Variants in TNRC18 observed in about 807,000 individuals in gnomAD.
TNRC18 encodes trinucleotide repeat-containing gene 18 protein.
In TNRC18, 69 loss-of-function variants were observed where a neutral mutation model predicts 226.7. The observed-to-expected ratio is 0.30, with a 90% CI of 0.25 to 0.37. The LOEUF (loss-of-function observed/expected upper bound fraction) is 0.37. Ranked by LOEUF, TNRC18 falls within the 10% of genes least tolerant of loss-of-function variation. The pLI, the probability that TNRC18 is intolerant of heterozygous loss-of-function variation, is 1.00. For synonymous variants in TNRC18, 2,449 were observed against 1,927.6 expected (o/e 1.27, Z -7.09); for missense variants, 4,754 against 4,256.6 (o/e 1.12, Z -3.25).
At chr7:5,378,291 A>G (rs1198860642) in intron 5 of TNRC18, among the ~76,000 whole-genome samples, 1 of 152,246 alleles carries the variant, frequency 6.6e-6, no homozygotes, top group Non-Finnish European at 1.5e-5. Flanking sequence ...TAGACAGACA[A>G]CCGTGGCGAT....
intron 5 of TNRC18, among the ~76,000 whole-genome samples, chr7:5,380,494 C>T (rs1162179881): frequency 6.6e-6 from 1 of 152,194 alleles, no homozygotes; most frequent in African/African-American, 2.4e-5. Flanking sequence ...GAGAGGAACC[C>T]AGAGAGGGGC....
chr7:5,407,291 G>C (rs941907680), intron 2 of TNRC18: 2 of 152,332 alleles, frequency 1.3e-5, no homozygotes, highest in Admixed American at 6.5e-5. Context: ...CCAGAACCAG[G>C]ACCAAGACTG....
chr7:5,370,794 G>A lies in TNRC18; in HGVS notation c.3800C>T (p.Ala1267Val), dbSNP rs12671708. 3.2e-5 allele frequency: 51 copies of A among 1,604,274 alleles called. No individual in the cohort carries two copies. The highest frequency in any genetic ancestry group is 1.9e-4 in the African/African-American group (14 of 74,794). ...GGGCACTGCCTCCACCACGGGCACC[G>A]CCACAGGCACCTCCACCGGCTCCTC... ...AKEEPVEVPV[A>V]VPVVEAVPEE... Residue 1267 changes from alanine (A) to valine (V), a missense_variant, in exon 11 of 30, where the codon GCG becomes GTG. Transcript: ENST00000430969.
In TNRC18 at chr7:5,394,873, C is replaced by T. The variant is rs1331394852; in HGVS notation, c.188-278G>A. 3.3e-5 allele frequency among the ~76,000 whole-genome samples: 5 copies of T among 152,168 alleles called. No individual in the cohort carries two copies. Among genetic ancestry groups the T allele is most frequent in the South Asian group, 2.1e-4 (1 of 4,830 alleles). ...CTCAGCCCTGGGCACCCCGCACCCT[C>T]GGAGGAGGGCCTTCCACCCCTGCCG... On this transcript the variant is annotated intron_variant, in intron 2 of 29. Coordinates refer to ENST00000430969, the MANE Select transcript of TNRC18 (RefSeq NM_001080495.3). The surrounding 1 kb of genome is among the most constrained non-coding windows in gnomAD (Gnocchi z 4.5).
Position 5,313,460 on chromosome 7 carries a change from A to T in TNRC18, c.7431T>A (p.Ala2477=), listed in dbSNP as rs1251164523. ...EGVTSPKSKK[A]KEALLLREDP... ...CCTCCCGGAGCAGCAGGGCCTCTTT[A>T]GCCTTCTTGCTTTTGGGTGACGTGA... Residue 2477 remains alanine (A), a synonymous_variant, in exon 27 of 30, where the codon GCT becomes GCA. Coordinates refer to ENST00000430969, the MANE Select transcript of TNRC18 (RefSeq NM_001080495.3). The T allele has an allele frequency of 6.2e-7, 1 of 1,612,820 alleles. No homozygotes were observed.
chr7:5,307,989 C>G lies in TNRC18; in HGVS notation c.*117G>C. On this transcript the variant is annotated 3_prime_UTR_variant, in exon 30 of 30. Coordinates refer to ENST00000430969, the MANE Select transcript of TNRC18 (RefSeq NM_001080495.3). ...CCACGTGCACACCTGGCCCCATGCA[C>G]ACGCCTGCAGGAGCGCTCGCATGCA... 3.2e-6 allele frequency: 3 copies of G among 948,124 alleles called. No individual in the cohort carries two copies. The highest frequency in any genetic ancestry group is 6.6e-4 in the Middle Eastern group (2 of 3,032). The allele number at this position is 948,124 out of a possible 1,614,324, so 58.7% of individuals were successfully genotyped here. A position where few individuals can be genotyped will look rare whatever the true frequency, so the allele number is the denominator to read the frequency against.
chr7:5,341,072 A>G (rs6943906), intron 18 of TNRC18, among the ~76,000 whole-genome samples: 136,831 of 151,974 alleles, frequency 0.9, 61,734 homozygotes, highest in East Asian at 1. Flanking sequence ...TGAAAACCCC[A>G]GGGTCCTTAA....
intron 5 of TNRC18, among the ~76,000 whole-genome samples, chr7:5,383,076 TA>T (rs149952612): frequency 0.17 from 26,410 of 151,782 alleles, 3,952 homozygotes; most frequent in African/African-American, 0.4. Flanking sequence ...TTTTTATTTT[TA>T]TTTTTGTAGA....
rs918649772 is a variant in TNRC18, at chr7:5,308,008, G to C, written c.*98C>G. The C allele has an allele frequency of 1.7e-6, 2 of 1,162,942 alleles. No individual in the cohort carries two copies. Among genetic ancestry groups the C allele is most frequent in the Non-Finnish European group, 2.4e-6 (2 of 824,702 alleles). The allele number at this position is 1,162,942 out of a possible 1,614,324, so 72.0% of individuals were successfully genotyped here. Reference sequence around the variant, plus strand: ...CATGCACACGCCTGCAGGAGCGCTCGCATGCACACAACGCACGTGGTCTCC... The same window carrying C: ...CATGCACACGCCTGCAGGAGCGCTCCCATGCACACAACGCACGTGGTCTCC... On this transcript the variant is annotated 3_prime_UTR_variant, in exon 30 of 30. Coordinates refer to ENST00000430969, the MANE Select transcript of TNRC18 (RefSeq NM_001080495.3).
Position 5,377,693 on chromosome 7 carries a change from G to T in TNRC18, c.2256-117C>A. 8.3e-7 allele frequency: 1 copy of T among 1,212,116 alleles called. No homozygotes were observed. The highest frequency in any genetic ancestry group is 1.2e-6 in the Non-Finnish European group (1 of 865,988). The allele number at this position is 1,212,116 out of a possible 1,614,324, so 75.1% of individuals were successfully genotyped here. A position where few individuals can be genotyped will look rare whatever the true frequency, so the allele number is the denominator to read the frequency against. Reference sequence around the variant, plus strand: ...CAGGCCATGAGTCAGGACAACCACTGCTCGGAACTGAAGGGCCTCCCGGGG... The same window carrying T: ...CAGGCCATGAGTCAGGACAACCACTTCTCGGAACTGAAGGGCCTCCCGGGG... On this transcript the variant is annotated intron_variant, in intron 6 of 29. Transcript: ENST00000430969. This position sits in a 1 kb window ranked among gnomAD's most constrained non-coding sequence, Gnocchi z 5.8.
intron 18 of TNRC18, among the ~76,000 whole-genome samples, chr7:5,339,460 A>T (rs1365620865): frequency 6.6e-6 from 1 of 151,516 alleles, no homozygotes; most frequent in Non-Finnish European, 1.5e-5. Flanking sequence ...GGCTGGTCTC[A>T]AACTCCTGAC....
chr7:5,385,982 C>CAAA lies in TNRC18; in HGVS notation c.2152+1687_2152+1689dup, dbSNP rs1160231238. The stretch of plus-strand genomic sequence containing the variant: ...TGGGCAACAGAGCAAAAGTCTGTCT[C>CAAA]AAAAAAAAAAAAAAAAAAAAAAAAA... On this transcript the variant is annotated intron_variant, in intron 5 of 29. Coordinates refer to ENST00000430969, the MANE Select transcript of TNRC18 (RefSeq NM_001080495.3). 7.7e-3 allele frequency among the ~76,000 whole-genome samples: 318 copies of CAAA among 41,460 alleles called. 8 individuals are homozygous for CAAA. Among genetic ancestry groups the CAAA allele is most frequent in the East Asian group, 0.032 (35 of 1,086 alleles). 27.2% of individuals were successfully genotyped at this position (41,460 alleles called of 152,430 possible). A position where few individuals can be genotyped will look rare whatever the true frequency, so the allele number is the denominator to read the frequency against.
chr7:5,310,371 A>G (rs1787049651), intron 27 of TNRC18, among the ~76,000 whole-genome samples: 1 of 152,042 alleles, frequency 6.6e-6, no homozygotes, highest in Non-Finnish European at 1.5e-5. Flanking sequence ...ATGGGATTAC[A>G]GGCGTGCACC....
chr7:5,410,785 C>T (rs1781786975), intron 2 of TNRC18, among the ~76,000 whole-genome samples: 1 of 149,554 alleles, frequency 6.7e-6, no homozygotes, highest in Non-Finnish European at 1.5e-5. Flanking sequence ...AGCGCTTGAA[C>T]CCGTGGTGGA....
Position 5,402,461 on chromosome 7 carries a change from G to A in TNRC18, c.188-7866C>T, listed in dbSNP as rs570801336. On this transcript the variant is annotated intron_variant, in intron 2 of 29. Coordinates refer to ENST00000430969, the MANE Select transcript of TNRC18 (RefSeq NM_001080495.3). ...GAGGTGGGAGAATGACTTGAGCCCA[G>A]GAGGCGGAGGTCGCAGTGAGCCGAG... Among the ~76,000 whole-genome samples, 20 of 152,236 alleles carry A rather than the reference G, an allele frequency of 1.3e-4. 1 individual carries two copies. In the South Asian group the frequency reaches 4.1e-3, roughly 32 times the overall value.
Position 5,388,364 on chromosome 7 carries a change from G to T in TNRC18, c.1460C>A (p.Ala487Asp). The change falls in exon 5 of 30, where the codon GCC becomes GAC. Residue 487 changes from alanine (A) to aspartate (D), a missense_variant. Physicochemically the swap from Ala to Asp is moderately radical, Grantham distance 126. Coordinates refer to ENST00000430969, the MANE Select transcript of TNRC18 (RefSeq NM_001080495.3). ...GCCGAAGAGCTTGGCGGCCTGTTGG[G>T]CTGCAGGACCGGCTGGGCCGCGGGG... is the stretch of plus-strand genomic sequence containing the variant. Reference protein sequence around the residue: ...RAPRGPAGPAAQQAAKLFGLE... With the variant: ...RAPRGPAGPADQQAAKLFGLE... 2 of 1,565,534 alleles carry T rather than the reference G, an allele frequency of 1.3e-6. No homozygotes were observed. Among genetic ancestry groups the T allele is most frequent in the Non-Finnish European group, 8.6e-7 (1 of 1,159,310 alleles).
Position 5,328,365 on chromosome 7 carries a change from G to C in TNRC18, c.6148-3117C>G, listed in dbSNP as rs140453929. ...TAAGGAGACCCCACCCCATCTGCAC[G>C]AAAATAATTTTTTTTTAATTAGTCA... is the stretch of plus-strand genomic sequence containing the variant. On this transcript the variant is annotated intron_variant, in intron 19 of 29. Coordinates refer to ENST00000430969, the MANE Select transcript of TNRC18 (RefSeq NM_001080495.3). Among the ~76,000 whole-genome samples, 835 of 152,118 alleles carry C rather than the reference G, an allele frequency of 5.5e-3. 5 individuals carry two copies. Among genetic ancestry groups the C allele is most frequent in the Admixed American group, 9.7e-3 (148 of 15,270 alleles).
At chr7:5,323,581 T>TTTTTTTTTA (rs60338709) in intron 21 of TNRC18, among the ~76,000 whole-genome samples, 1 of 150,324 alleles carries the variant, frequency 6.7e-6, no homozygotes, top group African/African-American at 2.4e-5. Flanking sequence ...TTTTTTTTTT[T>TTTTTTTTTA]GAGACACAGT....
intron 10 of TNRC18, among the ~76,000 whole-genome samples, chr7:5,373,144 G>A (rs1353866585): frequency 6.6e-6 from 1 of 152,114 alleles, no homozygotes; most frequent in South Asian, 2.1e-4. Flanking sequence ...GGCAACAAGA[G>A]CAAAACTCCG....
Sources: allele counts gnomAD v4.1 joint callset (sites outside exome capture counted in the v4.1 genomes callset), GRCh38; gene constraint gnomAD v4.1.1; non-coding constraint Gnocchi (gnomAD v3.1); transcripts MANE v1.5; gene names NCBI Gene and HGNC (gene_info 2026-07-23, HGNC 2026-07-21).